Variants in LNPEP observed in about 807,000 individuals in gnomAD.
LNPEP encodes the protein leucyl-cystinyl aminopeptidase.
A neutral mutation model predicts 120.6 loss-of-function variants in LNPEP; 64 were observed. The ratio of observed to expected loss-of-function variants is 0.53; its 90% CI spans 0.43 to 0.65. LNPEP has a LOEUF of 0.65. LNPEP is among the 30% of genes least tolerant of loss of function. The pLI, the probability that LNPEP is intolerant of heterozygous loss-of-function variation, is 0.00. For missense variants in LNPEP, 1,057 were observed against 1,200.0 expected, an observed-to-expected ratio of 0.88 and a Z score of 1.76; for synonymous variants, 435 against 425.4, an observed-to-expected ratio of 1.02 and a Z score of -0.28.
intron 1 of LNPEP, chr5:96,943,242 ACTAT>A: frequency 5.0e-6 from 1 of 201,560 alleles, no homozygotes; most frequent in Non-Finnish European, 9.7e-6. Flanking sequence ...AAAAAAGAAA[ACTAT>A]AGAGAGCTAT....
In LNPEP at chr5:96,978,184, C is replaced by G. The variant is rs528217700; in HGVS notation, c.20-954C>G. On this transcript the variant is annotated intron_variant, in intron 1 of 17. Transcript: ENST00000231368. ...TGAATTTTAAATAAAAAACATTGAA[C>G]GATCTAATCCTAGGAAGTACTGATA... Among the ~76,000 whole-genome samples the G allele has an allele frequency of 2.6e-5, 4 of 152,018 alleles. No individual in the cohort carries two copies. The East Asian group carries it at 7.8e-4, about 29-fold the overall frequency.
chr5:96,995,057 G>A (rs1361324926), intron 6 of LNPEP, among the ~76,000 whole-genome samples: 2 of 152,076 alleles, frequency 1.3e-5, no homozygotes, highest in African/African-American at 2.4e-5. Flanking sequence ...GCAGTGAGCC[G>A]AGTTTGCACC....
At chr5:96,962,810 G>A (rs1789637838) in intron 1 of LNPEP, 1 of 151,198 alleles carries the variant, frequency 6.6e-6, no homozygotes, top group South Asian at 2.1e-4. Context: ...TGCTTAGCTG[G>A]GTATTAGCAT....
chr5:96,973,514 CTT>C (rs1789920541), intron 1 of LNPEP, among the ~76,000 whole-genome samples: 1 of 152,028 alleles, frequency 6.6e-6, no homozygotes, highest in African/African-American at 2.4e-5. Flanking sequence ...GAATATTAGA[CTT>C]TTTTCCTTGT....
At chr5:96,955,328 A>G (rs1278437546) in intron 1 of LNPEP, among the ~76,000 whole-genome samples, 3 of 151,980 alleles carry the variant, frequency 2.0e-5, no homozygotes, top group Non-Finnish European at 2.9e-5. Context: ...AAAATTGGTG[A>G]ATAGGGCTGG....
intron 16 of LNPEP, among the ~76,000 whole-genome samples, 181 bp downstream of exon 16, chr5:97,026,938 C>T (rs1791353758): frequency 6.6e-6 from 1 of 152,200 alleles, no homozygotes; most frequent in South Asian, 2.1e-4. Flanking sequence ...TAGCATGAAT[C>T]ATTTAACAGT....
intron 1 of LNPEP, among the ~76,000 whole-genome samples, chr5:96,952,109 CAAT>C (rs1789337989): frequency 6.6e-6 from 1 of 151,714 alleles, no homozygotes; most frequent in East Asian, 1.9e-4. Flanking sequence ...TATTTAATAA[CAAT>C]AAACACCTTT....
intron 1 of LNPEP, among the ~76,000 whole-genome samples, chr5:96,960,097 C>T (rs1206697554): frequency 6.6e-6 from 1 of 151,828 alleles, no homozygotes; most frequent in African/African-American, 2.4e-5. Context: ...TACCACCACA[C>T]CTGGCTAATT....
chr5:96,949,493 G>A (rs1050994440), intron 1 of LNPEP, among the ~76,000 whole-genome samples: 6 of 152,134 alleles, frequency 3.9e-5, no homozygotes, highest in African/African-American at 1.2e-4. Flanking sequence ...TGTCACTTCC[G>A]CCACACCCCT....
At chr5:96,977,373 T>G (rs1790022568) in intron 1 of LNPEP, among the ~76,000 whole-genome samples, 1 of 151,728 alleles carries the variant, frequency 6.6e-6, no homozygotes, top group Non-Finnish European at 1.5e-5. Flanking sequence ...AAGAGACATG[T>G]GGAGGATAGC....
chr5:96,997,978 T>C, intron 7 of LNPEP, 36 bp from the exon 8 acceptor site: 1 of 1,416,200 alleles, frequency 7.1e-7, no homozygotes, highest in Non-Finnish European at 9.7e-7. Context: ...CATTTGATAC[T>C]ACTTGTGATA....
At chr5:96,977,580 G>A (rs1188870100) in intron 1 of LNPEP, among the ~76,000 whole-genome samples, 1 of 152,106 alleles carries the variant, frequency 6.6e-6, no homozygotes, top group African/African-American at 2.4e-5. Context: ...CAGAGGCTGC[G>A]TTTCTAACAA....
chr5:96,966,530 G>A (rs996801807), intron 1 of LNPEP, among the ~76,000 whole-genome samples: 1 of 149,290 alleles, frequency 6.7e-6, no homozygotes, highest in African/African-American at 2.5e-5. Flanking sequence ...GTGTGTGTGT[G>A]TGTGTGTGTG....
chr5:97,015,377 T>C (rs1791043475), intron 13 of LNPEP, among the ~76,000 whole-genome samples: 1 of 152,134 alleles, frequency 6.6e-6, no homozygotes, highest in Non-Finnish European at 1.5e-5. Context: ...TCAGATCCTG[T>C]TTTATTTCTA....
intron 13 of LNPEP, among the ~76,000 whole-genome samples, chr5:97,021,665 G>GTATA (rs1014251468): frequency 6.6e-6 from 1 of 152,098 alleles, no homozygotes; most frequent in Admixed American, 6.5e-5. Flanking sequence ...TTCTAGCTGA[G>GTATA]TATATGCAGC....
intron 7 of LNPEP, 141 bp downstream of exon 7, chr5:96,996,644 T>A (rs1790522693): frequency 2.1e-5 from 12 of 561,806 alleles, no homozygotes; most frequent in Non-Finnish European, 3.5e-5. Flanking sequence ...GTTATTGATA[T>A]CTATACCTTT....
chr5:97,003,402 T>C lies in LNPEP; in HGVS notation c.1654-13T>C. ...TTATTTTCTTTCTTTTTCCTCACTTTTTTTTTTAATAGGGATCTTCTCTCT... is the reference window on the plus strand; with the variant it reads ...TTATTTTCTTTCTTTTTCCTCACTTCTTTTTTTAATAGGGATCTTCTCTCT... On this transcript the variant is annotated splice_polypyrimidine_tract_variant and intron_variant, in intron 8 of 17. Coordinates refer to ENST00000231368, the MANE Select transcript of LNPEP (RefSeq NM_005575.3). The C allele has an allele frequency of 6.9e-7, 1 of 1,458,370 alleles. No individual in the cohort carries two copies. Among genetic ancestry groups the C allele is most frequent in the Non-Finnish European group, 9.3e-7 (1 of 1,070,374 alleles). 90.3% of individuals were successfully genotyped at this position (1,458,370 alleles called of 1,614,324 possible).
intron 1 of LNPEP, among the ~76,000 whole-genome samples, chr5:96,937,994 A>G (rs1788960034): frequency 1.3e-5 from 2 of 152,248 alleles, no homozygotes; most frequent in African/African-American, 4.8e-5. Flanking sequence ...TTAATGTAGC[A>G]ATCACTCCTT....
At position 96,936,123 on chromosome 5, in the gene LNPEP, G is replaced by A. The variant is rs531532706; in HGVS notation, c.-33G>A. On this transcript the variant is annotated 5_prime_UTR_variant, in exon 1 of 18. Coordinates refer to ENST00000231368, the MANE Select transcript of LNPEP (RefSeq NM_005575.3). ...AGCTCTCGGAGTAGGAAGCTCGGGC[G>A]CTCCGGCTGTAAGGAGCCGCGGCGG... 1 of 1,513,662 alleles carries A rather than the reference G, an allele frequency of 6.6e-7. No individual in the cohort carries two copies. Among genetic ancestry groups the A allele is most frequent in the Non-Finnish European group, 8.8e-7 (1 of 1,131,244 alleles). 93.8% of individuals were successfully genotyped at this position (1,513,662 alleles called of 1,614,324 possible). A position where few individuals can be genotyped will look rare whatever the true frequency, so the allele number is the denominator to read the frequency against.
Sources: allele counts gnomAD v4.1 joint callset (sites outside exome capture counted in the v4.1 genomes callset), GRCh38; gene constraint gnomAD v4.1.1; transcripts MANE v1.5; gene names NCBI Gene and HGNC (gene_info 2026-07-23, HGNC 2026-07-21).